LRP1B: variants seen among roughly 807,000 people sequenced by gnomAD.
LRP1B encodes LDL receptor related protein 1B.
Under a neutral mutation model 556.6 loss-of-function variants are expected in LRP1B, and 217 were observed. That is an observed-to-expected ratio of 0.39 (90% CI 0.35 to 0.44). LRP1B has a LOEUF of 0.44. Among genes scored for constraint, LRP1B ranks in the 20% least tolerant of loss-of-function variants. The pLI is 1.00. For missense variants in LRP1B, 5,053 were observed against 5,620.8 expected (o/e 0.90, Z 3.23); for synonymous variants, 2,047 against 1,865.8 (o/e 1.10, Z -2.50).
intron 2 of LRP1B, among the ~76,000 whole-genome samples, chr2:141,715,402 T>C (rs191480809): frequency 6.6e-6 from 1 of 151,446 alleles, no homozygotes; most frequent in Non-Finnish European, 1.5e-5. Context: ...GCCAGGGAAG[T>C]CAAGGCTGCA....
At chr2:141,838,306 T>C (rs1365744282) in intron 1 of LRP1B, among the ~76,000 whole-genome samples, 1 of 152,142 alleles carries the variant, frequency 6.6e-6, no homozygotes, top group Non-Finnish European at 1.5e-5. Context: ...AACTGACTCC[T>C]GGCCTATAGA....
At chr2:140,415,642 C>T (rs994775721) in intron 66 of LRP1B, among the ~76,000 whole-genome samples, 32 of 152,138 alleles carry the variant, frequency 2.1e-4, no homozygotes, top group South Asian at 1.5e-3. Flanking sequence ...CACCAAAGAA[C>T]GGAAGTGGAA....
intron 13 of LRP1B, among the ~76,000 whole-genome samples, chr2:141,015,073 G>C (rs1487467188): frequency 6.6e-6 from 1 of 152,024 alleles, no homozygotes; most frequent in Non-Finnish European, 1.5e-5. Context: ...GGTGTTATTT[G>C]TAATTAGATT....
chr2:142,038,898 A>G (rs916793914), intron 1 of LRP1B, among the ~76,000 whole-genome samples: 2 of 151,606 alleles, frequency 1.3e-5, no homozygotes, highest in East Asian at 3.9e-4. Context: ...TTGTTGCTAA[A>G]ACATTAAATG....
intron 1 of LRP1B, among the ~76,000 whole-genome samples, chr2:141,962,578 G>A (rs1483847162): frequency 6.6e-6 from 1 of 151,702 alleles, no homozygotes; most frequent in African/African-American, 2.4e-5. Context: ...CCTATTTTAA[G>A]TTTTTTCTGA....
At chr2:141,553,548 G>A (rs1474386648) in intron 2 of LRP1B, among the ~76,000 whole-genome samples, 1 of 150,856 alleles carries the variant, frequency 6.6e-6, no homozygotes, top group African/African-American at 2.4e-5. Context: ...CATTCATGCT[G>A]CTATTTTAAC....
intron 2 of LRP1B, among the ~76,000 whole-genome samples, chr2:141,713,590 G>A (rs1283770694): frequency 2.0e-5 from 3 of 152,046 alleles, no homozygotes; most frequent in Non-Finnish European, 4.4e-5. Flanking sequence ...CTTTTTGTGA[G>A]CACTTATTAG....
intron 63 of LRP1B, among the ~76,000 whole-genome samples, chr2:140,447,892 G>A (rs1475987424): frequency 3.9e-5 from 6 of 152,032 alleles, no homozygotes; most frequent in Admixed American, 2.6e-4. Context: ...GGAGGCCCAA[G>A]GACAGGGAGA....
intron 66 of LRP1B, among the ~76,000 whole-genome samples, chr2:140,413,910 A>G (rs1247266467): frequency 6.6e-6 from 1 of 152,056 alleles, no homozygotes; most frequent in Non-Finnish European, 1.5e-5. Flanking sequence ...TTCCAGAAAT[A>G]CTTTCTAATT....
chr2:140,636,363 T>C (rs757493818), intron 41 of LRP1B, among the ~76,000 whole-genome samples: 3 of 152,176 alleles, frequency 2.0e-5, no homozygotes, highest in Non-Finnish European at 4.4e-5. Flanking sequence ...CATCAGCTAA[T>C]GCTTTCTTAA....
At chr2:140,233,476 A>G (rs903195355) in intron 90 of LRP1B, 150 bp from the exon 91 acceptor site, 4 of 509,356 alleles carry the variant, frequency 7.9e-6, no homozygotes, top group Non-Finnish European at 1.3e-5. Context: ...GGTTATTTAC[A>G]TGTTACATTT....
At chr2:141,904,808 C>G (rs552358161) in intron 1 of LRP1B, among the ~76,000 whole-genome samples, 2 of 151,854 alleles carry the variant, frequency 1.3e-5, no homozygotes, top group Admixed American at 1.3e-4. Context: ...AATGTCATGT[C>G]ATGGAAGTTT....
intron 3 of LRP1B, among the ~76,000 whole-genome samples, chr2:141,295,464 G>A (rs187965939): frequency 6.6e-6 from 1 of 152,002 alleles, no homozygotes; most frequent in Admixed American, 6.6e-5. Flanking sequence ...AATTTAGGGA[G>A]GAAAAAAAAT....
At chr2:141,638,371 C>T (rs13019062) in intron 2 of LRP1B, among the ~76,000 whole-genome samples, 63,372 of 151,490 alleles carry the variant, frequency 0.42, 13,746 homozygotes, top group Non-Finnish European at 0.49. Flanking sequence ...TGAGACAAAA[C>T]TAAATCTCTT....
At chr2:140,539,703 T>A (rs998255839) in intron 45 of LRP1B, among the ~76,000 whole-genome samples, 7 of 152,088 alleles carry the variant, frequency 4.6e-5, no homozygotes, top group African/African-American at 1.7e-4. Context: ...GGCTTACAGA[T>A]GGCATCAGAT....
Position 140,501,799 on chromosome 2 carries a change from T to C in LRP1B, c.8738A>G (p.Lys2913Arg), listed in dbSNP as rs1286566443. 1.2e-6 allele frequency: 2 copies of C among 1,612,884 alleles called. No homozygotes were observed. Among genetic ancestry groups the C allele is most frequent in the African/African-American group, 2.7e-5 (2 of 74,880 alleles). ...CIPSGGLCDN[K>R]DDCGDGSDER... Reference sequence around the variant, plus strand: ...ATCTGAACCATCGCCACAGTCATCCTTATTGTCGCAAAGACCTCCACTGGG... The same window carrying C: ...ATCTGAACCATCGCCACAGTCATCCCTATTGTCGCAAAGACCTCCACTGGG... The change falls in exon 55 of 91, where the codon AAG becomes AGG. Residue 2913 changes from lysine (K) to arginine (R), a missense_variant. Physicochemically the swap from Lys to Arg is conservative, Grantham distance 26. Coordinates refer to ENST00000389484, the MANE Select transcript of LRP1B (RefSeq NM_018557.3).
chr2:140,301,926 TA>T (rs1157200859), intron 83 of LRP1B, among the ~76,000 whole-genome samples: 1 of 151,872 alleles, frequency 6.6e-6, no homozygotes, highest in African/African-American at 2.4e-5. Context: ...TATATACATA[TA>T]TACATATACA....
intron 1 of LRP1B, among the ~76,000 whole-genome samples, chr2:142,075,534 T>C (rs1705466653): frequency 6.6e-6 from 1 of 152,048 alleles, no homozygotes; most frequent in African/African-American, 2.4e-5. Context: ...CACCACTCTT[T>C]TAAAGAAGCA....
intron 41 of LRP1B, among the ~76,000 whole-genome samples, chr2:140,681,902 T>C (rs980842932): frequency 3.3e-5 from 5 of 152,154 alleles, no homozygotes; most frequent in African/African-American, 1.2e-4. Flanking sequence ...TAAACAGTCA[T>C]ATAGATGAGA....
Sources: allele counts gnomAD v4.1 joint callset (sites outside exome capture counted in the v4.1 genomes callset), GRCh38; gene constraint gnomAD v4.1.1; transcripts MANE v1.5; gene names NCBI Gene and HGNC (gene_info 2026-07-23, HGNC 2026-07-21).